COL13A1: variants seen among roughly 807,000 people sequenced by gnomAD.
COL13A1 encodes collagen alpha-1(XIII) chain.
COL13A1 carries 89 observed loss-of-function variants against 130.9 expected under a neutral mutation model. That is an observed-to-expected ratio of 0.68 (90% CI 0.57 to 0.81). The LOEUF is 0.81. Among genes scored for constraint, COL13A1 ranks in the 30% least tolerant of loss-of-function variants. The pLI is 0.00. For missense variants in COL13A1, 879 were observed against 934.6 expected, an observed-to-expected ratio of 0.94 and a Z score of 0.78; for synonymous variants, 402 against 341.6, an observed-to-expected ratio of 1.18 and a Z score of -1.95.
intron 10 of COL13A1, among the ~76,000 whole-genome samples, chr10:69,893,580 GCC>G (rs1353782787): frequency 6.6e-6 from 1 of 152,202 alleles, no homozygotes; most frequent in Non-Finnish European, 1.5e-5. Flanking sequence ...AGTGCTTCAG[GCC>G]CCAAAGAGAC....
chr10:69,882,357 T>G (rs2060224442), intron 7 of COL13A1, among the ~76,000 whole-genome samples: 1 of 152,232 alleles, frequency 6.6e-6, no homozygotes, highest in Non-Finnish European at 1.5e-5. Context: ...GCTGTAGGTG[T>G]GTTCAGGGCA....
intron 3 of COL13A1, among the ~76,000 whole-genome samples, chr10:69,870,872 G>A (rs910650886): frequency 1.3e-5 from 2 of 152,006 alleles, no homozygotes; most frequent in Non-Finnish European, 2.9e-5. Context: ...GGCAAGGGTC[G>A]GGCTGCAGTG....
At chr10:69,947,410 CGGTG>C in intron 38 of COL13A1, 68 bp downstream of exon 38, 2 of 1,423,572 alleles carry the variant, frequency 1.4e-6, no homozygotes, top group Non-Finnish European at 1.9e-6. Context: ...AATGATCGAT[CGGTG>C]ATTCCTGACC....
intron 2 of COL13A1, among the ~76,000 whole-genome samples, chr10:69,862,746 A>G (rs546052341): frequency 2.6e-5 from 4 of 152,250 alleles, no homozygotes; most frequent in Non-Finnish European, 5.9e-5. Context: ...CAGCCCAGTG[A>G]TGCATGTGTT....
intron 10 of COL13A1, 145 bp downstream of exon 10, chr10:69,889,585 T>A: frequency 9.6e-7 from 1 of 1,038,672 alleles, no homozygotes; most frequent in African/African-American, 1.6e-5. Flanking sequence ...GTAAACCACA[T>A]GCCCTGGATC....
rs759538602 is a variant in COL13A1 at position 69,945,700 on chromosome 10, A to T, written c.1998A>T (p.Gly666=). 4 of 1,613,050 alleles carry T rather than the reference A, an allele frequency of 2.5e-6. No individual in the cohort carries two copies. Among genetic ancestry groups the T allele is most frequent in the Non-Finnish European group, 3.4e-6 (4 of 1,179,558 alleles). ...RGSKGDPGMT[G]PTGAAGLPGL... is the part of the protein sequence containing the mutation. ...GCAAAGGAGACCCTGGGATGACAGGACCAACGGGAGCAGCTGGGCTTCCTG... is the reference window on the plus strand; with the variant it reads ...GCAAAGGAGACCCTGGGATGACAGGTCCAACGGGAGCAGCTGGGCTTCCTG... Residue 666 remains glycine (G), a synonymous_variant, in exon 37 of 41, where the codon GGA becomes GGT. Transcript: ENST00000645393.
chr10:69,866,825 G>A (rs527892205), intron 2 of COL13A1, among the ~76,000 whole-genome samples: 51 of 152,260 alleles, frequency 3.3e-4, no homozygotes, highest in Non-Finnish European at 6.0e-4. Context: ...GGAGGAGCAC[G>A]GGGAAACATA....
chr10:69,839,146 C>T (rs1468133465), intron 2 of COL13A1, among the ~76,000 whole-genome samples: 5 of 152,196 alleles, frequency 3.3e-5, no homozygotes, highest in Admixed American at 1.3e-4. Flanking sequence ...TCTTGGAAGC[C>T]TCCAGGGGAG....
intron 18 of COL13A1, among the ~76,000 whole-genome samples, chr10:69,918,059 G>A (rs1393267963): frequency 2.0e-5 from 3 of 151,940 alleles, no homozygotes; most frequent in African/African-American, 7.3e-5. Flanking sequence ...GGGAAGCCCA[G>A]GGAGCCCCGC....
intron 2 of COL13A1, among the ~76,000 whole-genome samples, chr10:69,852,487 A>G (rs1478911173): frequency 1.3e-5 from 2 of 152,256 alleles, no homozygotes; most frequent in African/African-American, 4.8e-5. Flanking sequence ...CCCAAGCTCG[A>G]CTGCTAGAAG....
At chr10:69,938,982 T>C (rs1213324838) in intron 34 of COL13A1, among the ~76,000 whole-genome samples, 1 of 152,186 alleles carries the variant, frequency 6.6e-6, no homozygotes, top group Non-Finnish European at 1.5e-5. Flanking sequence ...AGTCAGGGGT[T>C]GAAATGCAAA....
intron 24 of COL13A1, 85 bp downstream of exon 24, chr10:69,923,940 C>T: frequency 6.5e-7 from 1 of 1,528,666 alleles, no homozygotes; most frequent in Non-Finnish European, 8.9e-7. Flanking sequence ...CTAGGGGTAT[C>T]CCTCAGGGCA....
At chr10:69,901,280 G>T (rs1231525911) in intron 14 of COL13A1, among the ~76,000 whole-genome samples, 1 of 152,192 alleles carries the variant, frequency 6.6e-6, no homozygotes, top group Admixed American at 6.5e-5. Context: ...CTTCTCAGAG[G>T]GTGTGGCAGG....
chr10:69,925,887 G>A lies in COL13A1; in HGVS notation c.1398+15G>A. 1 of 1,576,356 alleles carries A rather than the reference G, an allele frequency of 6.3e-7. No individual in the cohort carries two copies. The highest frequency in any genetic ancestry group is 8.6e-7 in the Non-Finnish European group (1 of 1,159,082). On this transcript the variant is annotated intron_variant, in intron 26 of 40. Coordinates refer to ENST00000645393, the MANE Select transcript of COL13A1 (RefSeq NM_001368882.1). ...AGGCTCTCCAGGTGAGCAGGGTCCA[G>A]CCCAGAGGCCAAGATCCTCATGGAT...
At position 69,958,864 on chromosome 10, in the gene COL13A1, C is replaced by A; in HGVS notation, c.*163C>A. Reference sequence around the variant, plus strand: ...TTGTACAGAAAATATCAACCTCTTCCCTTTTGTTTACAAGATGTTTTGTAT... The same window carrying A: ...TTGTACAGAAAATATCAACCTCTTCACTTTTGTTTACAAGATGTTTTGTAT... On this transcript the variant is annotated 3_prime_UTR_variant, in exon 41 of 41. Coordinates refer to ENST00000645393, the MANE Select transcript of COL13A1 (RefSeq NM_001368882.1). The A allele has an allele frequency of 1.0e-6, 1 of 957,522 alleles. No homozygotes were observed. Among genetic ancestry groups the A allele is most frequent in the Non-Finnish European group, 1.5e-6 (1 of 664,188 alleles). 59.3% of individuals were successfully genotyped at this position (957,522 alleles called of 1,614,324 possible). A position where few individuals can be genotyped will look rare whatever the true frequency, so the allele number is the denominator to read the frequency against.
chr10:69,917,510 G>A (rs149296239), intron 18 of COL13A1, among the ~76,000 whole-genome samples, 177 bp downstream of exon 18: 354 of 152,068 alleles, frequency 2.3e-3, no homozygotes, highest in African/African-American at 7.9e-3. Flanking sequence ...TGATGCGGGC[G>A]GCCTCCTCCT....
intron 7 of COL13A1, among the ~76,000 whole-genome samples, chr10:69,884,174 G>A (rs1041553064): frequency 1.3e-5 from 2 of 152,222 alleles, no homozygotes; most frequent in Non-Finnish European, 1.5e-5. Context: ...GGAAGTCAGA[G>A]CATGTGGTCT....
In COL13A1 at chr10:69,847,010, G is replaced by A. The variant is rs919722515; in HGVS notation, c.365-20788G>A. Among the ~76,000 whole-genome samples the A allele has an allele frequency of 2.6e-5, 4 of 152,122 alleles. No individual in the cohort carries two copies. The East Asian group carries it at 7.7e-4, about 29-fold the overall frequency. The stretch of plus-strand genomic sequence containing the variant: ...ACTGAAGTTAGCCAAATCCCAGGTC[G>A]TGCCCAGCAGAGGGACACTCTTTCT... On this transcript the variant is annotated intron_variant, in intron 2 of 40. Transcript: ENST00000645393.
chr10:69,802,272 C>G lies in COL13A1; in HGVS notation c.-152C>G, dbSNP rs1840200536. 3 of 940,106 alleles carry G rather than the reference C, an allele frequency of 3.2e-6. No individual in the cohort carries two copies. In the South Asian group the frequency reaches 7.6e-5, roughly 24 times the overall value. 58.2% of individuals were successfully genotyped at this position (940,106 alleles called of 1,614,324 possible). The stretch of plus-strand genomic sequence containing the variant: ...ACTTCCTCTCCTACTGCTAATTTTT[C>G]CGTCCTCTTTGCCGGGAGCAGCGGA... On this transcript the variant is annotated 5_prime_UTR_variant, in exon 1 of 41. Coordinates refer to ENST00000645393, the MANE Select transcript of COL13A1 (RefSeq NM_001368882.1).
Sources: gnomAD v4.1 joint callset for allele counts (sites outside exome capture counted in the v4.1 genomes callset) on GRCh38, gnomAD v4.1.1 for gene constraint, MANE v1.5 for transcripts, NCBI Gene and HGNC (gene_info 2026-07-23, HGNC 2026-07-21) for gene names.